Variants in SIPA1L1 observed in about 807,000 individuals in gnomAD.
SIPA1L1 encodes signal induced proliferation associated 1 like 1.
Under a neutral mutation model 162.7 loss-of-function variants are expected in SIPA1L1, and 26 were observed. The observed-to-expected ratio is 0.16, with a 90% CI of 0.12 to 0.22. The LOEUF (loss-of-function observed/expected upper bound fraction) is 0.22. SIPA1L1 is among the 10% of genes least tolerant of loss of function. The pLI is 1.00. For missense variants in SIPA1L1, 1,874 were observed against 2,241.0 expected (o/e 0.84, Z 3.31); for synonymous variants, 829 against 837.4 (o/e 0.99, Z 0.17).
At chr14:71,657,637 T>G (rs1050187835) in intron 8 of SIPA1L1, among the ~76,000 whole-genome samples, 31 of 152,056 alleles carry the variant, frequency 2.0e-4, no homozygotes, top group African/African-American at 7.0e-4. Context: ...TGTGTCAACT[T>G]TGTTCTTCAG....
intron 2 of SIPA1L1, among the ~76,000 whole-genome samples, chr14:71,383,865 C>T (rs1335430031): frequency 6.6e-6 from 1 of 152,166 alleles, no homozygotes; most frequent in Non-Finnish European, 1.5e-5. Flanking sequence ...CACATTTCAA[C>T]AGGAGATTTG....
chr14:71,394,537 C>T (rs1014745091), intron 2 of SIPA1L1, among the ~76,000 whole-genome samples: 3 of 152,172 alleles, frequency 2.0e-5, no homozygotes, highest in African/African-American at 7.2e-5. Flanking sequence ...CTGTTCAGAC[C>T]TTTTCACCTA....
chr14:71,687,027 T>C (rs2080919853), intron 13 of SIPA1L1, among the ~76,000 whole-genome samples: 1 of 152,234 alleles, frequency 6.6e-6, no homozygotes, highest in Non-Finnish European at 1.5e-5. Context: ...TTTATCTTAG[T>C]CTGACTTTTG....
At chr14:71,337,081 G>A (rs1467255204) in intron 2 of SIPA1L1, among the ~76,000 whole-genome samples, 2 of 152,098 alleles carry the variant, frequency 1.3e-5, no homozygotes, top group African/African-American at 4.8e-5. Context: ...TGCCACCCTG[G>A]AGGAACTCAA....
chr14:71,686,606 C>G (rs1034468977), intron 13 of SIPA1L1, among the ~76,000 whole-genome samples: 1 of 151,938 alleles, frequency 6.6e-6, no homozygotes, highest in Non-Finnish European at 1.5e-5. Flanking sequence ...TGCAGTGGTG[C>G]TATCTCGGCT....
chr14:71,519,673 A>G (rs1003000485), intron 3 of SIPA1L1, among the ~76,000 whole-genome samples: 2 of 100,578 alleles, frequency 2.0e-5, no homozygotes, highest in South Asian at 5.7e-4. Flanking sequence ...CAAATAAATT[A>G]AAAAAAAAAA....
At chr14:71,674,821 C>T (rs1182706993) in intron 12 of SIPA1L1, among the ~76,000 whole-genome samples, 2 of 152,090 alleles carry the variant, frequency 1.3e-5, no homozygotes, top group Non-Finnish European at 2.9e-5. Context: ...GCCTCGGCCT[C>T]CCAAAGTGCT....
rs1302351197 is a variant in SIPA1L1 at position 71,377,662 on chromosome 14, G to A, written c.-465+56481G>A. On this transcript the variant is annotated intron_variant, in intron 2 of 23. Coordinates refer to ENST00000381232, the MANE Select transcript of SIPA1L1 (RefSeq NM_001386936.1). This position sits in a 1 kb window ranked among gnomAD's most constrained non-coding sequence, Gnocchi z 4.8. ...GGAGGTTGTAGCGAGCTGAGATCAC[G>A]CCACTGCACTCCAGCGTGGGCAACA... Among the ~76,000 whole-genome samples the A allele has an allele frequency of 1.3e-5, 2 of 152,186 alleles. No homozygotes were observed. The highest frequency in any genetic ancestry group is 2.4e-5 in the African/African-American group (1 of 41,454).
At position 71,724,736 on chromosome 14, in the gene SIPA1L1, G is replaced by A; in HGVS notation, c.4515G>A (p.Arg1505=). The change falls in exon 19 of 24, where the codon CGG becomes CGA. Residue 1505 remains arginine, a synonymous_variant. Transcript: ENST00000381232. The part of the protein sequence containing the change: ...TRLRASTRDL[R]ASPKPTSKST... The stretch of plus-strand genomic sequence containing the variant: ...TGCGTGCCTCAACCAGAGACCTCCG[G>A]GCATCTCCTAAGCCAACCTCCAAGT... 1 of 1,613,994 alleles carries A rather than the reference G, an allele frequency of 6.2e-7. No homozygotes were observed. Among genetic ancestry groups the A allele is most frequent in the South Asian group, 1.1e-5 (1 of 91,070 alleles).
chr14:71,469,796 A>C (rs1300077594), intron 2 of SIPA1L1, among the ~76,000 whole-genome samples: 1 of 152,234 alleles, frequency 6.6e-6, no homozygotes, highest in African/African-American at 2.4e-5. Context: ...GTTGCTTTTC[A>C]AGTGCTTATT....
intron 2 of SIPA1L1, among the ~76,000 whole-genome samples, chr14:71,354,831 C>G (rs1463129071): frequency 6.6e-6 from 1 of 152,154 alleles, no homozygotes; most frequent in East Asian, 1.9e-4. Flanking sequence ...TTCTCCCCAC[C>G]ATCAGTGCTA....
In SIPA1L1 at chr14:71,661,013, A is replaced by G. The variant is rs1348162864; in HGVS notation, c.2098-297A>G. 6.6e-5 allele frequency among the ~76,000 whole-genome samples: 10 copies of G among 152,346 alleles called. No individual in the cohort carries two copies. In the East Asian group the frequency reaches 1.9e-3, roughly 29 times the overall value. On this transcript the variant is annotated intron_variant, in intron 9 of 23. Coordinates refer to ENST00000381232, the MANE Select transcript of SIPA1L1 (RefSeq NM_001386936.1). The stretch of plus-strand genomic sequence containing the variant: ...TTTTCTTATGTGAAAATGGAACAAC[A>G]CTGTTGTTATAGAAACTGAGGGTTT...
At chr14:71,463,090 G>A (rs2046729167) in intron 2 of SIPA1L1, among the ~76,000 whole-genome samples, 1 of 152,202 alleles carries the variant, frequency 6.6e-6, no homozygotes, top group Non-Finnish European at 1.5e-5. Flanking sequence ...CTTCTGCGCA[G>A]GCCAAATGGG....
At position 71,679,368 on chromosome 14, in the gene SIPA1L1, A is replaced by G. The variant is rs926484198; in HGVS notation, c.3105-5994A>G. Among the ~76,000 whole-genome samples the G allele has an allele frequency of 2.6e-5, 4 of 152,222 alleles. No individual in the cohort carries two copies. The South Asian group carries it at 8.3e-4, about 32-fold the overall frequency. On this transcript the variant is annotated intron_variant, in intron 12 of 23. Transcript: ENST00000381232. ...AAGTGAAGGAGAAATAAAATCCTTT[A>G]CAGACAAGCAAATGCTGAGAGATTT...
At chr14:71,656,490 C>A (rs1458875994) in intron 8 of SIPA1L1, among the ~76,000 whole-genome samples, 1 of 152,156 alleles carries the variant, frequency 6.6e-6, no homozygotes, top group African/African-American at 2.4e-5. Context: ...TAGATAAGTT[C>A]TTCACGTTCA....
chr14:71,735,184 A>G (rs1944689220), intron 21 of SIPA1L1, 93 bp from the exon 22 acceptor site: 2 of 804,256 alleles, frequency 2.5e-6, no homozygotes. Context: ...GAAATACTAG[A>G]CATGACTGCC....
chr14:71,326,945 C>T (rs1201690005), intron 2 of SIPA1L1, among the ~76,000 whole-genome samples: 1 of 151,704 alleles, frequency 6.6e-6, no homozygotes, highest in Non-Finnish European at 1.5e-5. Context: ...CTCCTGACTT[C>T]CAGCGATCCT....
chr14:71,601,626 C>T (rs2036765967), intron 5 of SIPA1L1, among the ~76,000 whole-genome samples: 3 of 152,044 alleles, frequency 2.0e-5, no homozygotes, highest in South Asian at 2.1e-4. Flanking sequence ...AGGTAGAATT[C>T]CATCTTCTTC....
At chr14:71,723,954 C>T (rs2083993307) in intron 18 of SIPA1L1, 68 bp downstream of exon 18, 9 of 1,585,544 alleles carry the variant, frequency 5.7e-6, no homozygotes, top group South Asian at 5.6e-5. Context: ...AAAAGCTTGG[C>T]GTGATCTCTT....
Sources: allele counts gnomAD v4.1 joint callset (sites outside exome capture counted in the v4.1 genomes callset), GRCh38; gene constraint gnomAD v4.1.1; non-coding constraint Gnocchi (gnomAD v3.1); transcripts MANE v1.5; gene names NCBI Gene and HGNC (gene_info 2026-07-23, HGNC 2026-07-21).